The following FOXP2 variants were observed in gnomAD, a reference collection of about 807,000 sequenced individuals.
FOXP2 encodes the protein forkhead box protein P2.
In FOXP2, 12 loss-of-function variants were observed where a neutral mutation model predicts 115.8. The observed-to-expected ratio is 0.10, with a 90% CI of 0.07 to 0.17. FOXP2 has a LOEUF of 0.17. FOXP2 is among the 10% of genes least tolerant of loss of function. The probability of loss-of-function intolerance (pLI) is 1.00; values close to 1 mark genes in which losing one functional copy is unlikely to be tolerated. For missense variants in FOXP2, 629 were observed against 843.5 expected (o/e 0.75, Z 3.15); for synonymous variants, 328 against 297.7 (o/e 1.10, Z -1.05).
At chr7:114,214,951 A>C (rs1353152206) in intron 1 of FOXP2, among the ~76,000 whole-genome samples, 1 of 152,198 alleles carries the variant, frequency 6.6e-6, no homozygotes, top group Non-Finnish European at 1.5e-5. Context: ...GAATTTGTTT[A>C]AAATTACTGG....
At chr7:114,585,614 C>T (rs1802095567) in intron 3 of FOXP2, among the ~76,000 whole-genome samples, 1 of 150,862 alleles carries the variant, frequency 6.6e-6, no homozygotes, top group Admixed American at 6.6e-5. Context: ...GCCTGAATCC[C>T]AGCACTTTGG....
chr7:114,275,684 C>A (rs1796169312), intron 1 of FOXP2, among the ~76,000 whole-genome samples: 2 of 152,130 alleles, frequency 1.3e-5, no homozygotes, highest in Non-Finnish European at 2.9e-5. Context: ...AATATACCTG[C>A]CATGTCTGAT....
intron 1 of FOXP2, among the ~76,000 whole-genome samples, chr7:114,139,109 A>G (rs1183645333): frequency 6.6e-6 from 1 of 152,188 alleles, no homozygotes; most frequent in Admixed American, 6.5e-5. Flanking sequence ...AAAAATAGCT[A>G]ACACTATGCA....
chr7:114,263,568 C>T (rs1406980794), intron 1 of FOXP2, among the ~76,000 whole-genome samples: 3 of 151,686 alleles, frequency 2.0e-5, no homozygotes, highest in Non-Finnish European at 4.4e-5. Context: ...CTCCTTCCAC[C>T]TCAGCCTCCC....
chr7:114,211,405 C>T (rs1794345180), intron 1 of FOXP2, among the ~76,000 whole-genome samples: 1 of 152,152 alleles, frequency 6.6e-6, no homozygotes, highest in African/African-American at 2.4e-5. Context: ...GCTGGTTTCC[C>T]GGGTAGGATC....
At chr7:114,210,576 A>G (rs181694440) in intron 1 of FOXP2, among the ~76,000 whole-genome samples, 6 of 152,248 alleles carry the variant, frequency 3.9e-5, no homozygotes, top group Non-Finnish European at 8.8e-5. Context: ...ATACAACTGT[A>G]GGAGGTGGCT....
At chr7:114,375,402 G>T (rs778786670) in intron 2 of FOXP2, among the ~76,000 whole-genome samples, 3 of 152,162 alleles carry the variant, frequency 2.0e-5, no homozygotes, top group Non-Finnish European at 2.9e-5. Context: ...AGTTAATGCA[G>T]TAGCTAGAAT....
chr7:114,360,343 G>T (rs1193356394), intron 2 of FOXP2, among the ~76,000 whole-genome samples: 1 of 152,000 alleles, frequency 6.6e-6, no homozygotes, highest in Non-Finnish European at 1.5e-5. Flanking sequence ...GTAAGAAAAT[G>T]GACTACTACA....
rs542568768 is a variant in FOXP2 at position 114,470,461 on chromosome 7, G to A, written c.168+43782G>A. Among the ~76,000 whole-genome samples, 10 of 152,060 alleles carry A rather than the reference G, an allele frequency of 6.6e-5. No homozygotes were observed. In the South Asian group the frequency reaches 2.1e-3, roughly 32 times the overall value. ...CTATTTATGATTATATGTTATTTGT[G>A]TGGTTATTTTATTAACATTTGTCTT... On this transcript the variant is annotated intron_variant, in intron 2 of 16. Coordinates refer to ENST00000350908, the MANE Select transcript of FOXP2 (RefSeq NM_014491.4).
At chr7:114,407,847 A>C (rs1584700846) in intron 2 of FOXP2, among the ~76,000 whole-genome samples, 1 of 152,280 alleles carries the variant, frequency 6.6e-6, no homozygotes, top group South Asian at 2.1e-4. Flanking sequence ...AAAAGCCCCA[A>C]GAACCAGCAT....
chr7:114,688,205 G>GCA (rs1355698984), intron 16 of FOXP2, among the ~76,000 whole-genome samples: 2 of 34,224 alleles, frequency 5.8e-5, no homozygotes, highest in African/African-American at 9.9e-5. Context: ...ATGCATACAT[G>GCA]CATACACACA....
upstream of FOXP2, among the ~76,000 whole-genome samples, chr7:114,086,993 A>T (rs575932835): frequency 1.4e-3 from 216 of 152,190 alleles, no homozygotes; most frequent in South Asian, 2.7e-3. Context: ...GAAACACCAG[A>T]TGTGTGTTTG....
At chr7:114,117,403 G>T (rs998924074) in intron 1 of FOXP2, among the ~76,000 whole-genome samples, 2 of 151,700 alleles carry the variant, frequency 1.3e-5, no homozygotes, top group African/African-American at 2.4e-5. Flanking sequence ...TGTATTTTCA[G>T]TAGAGACAGG....
At chr7:114,114,412 C>T (rs1203557561) in intron 1 of FOXP2, among the ~76,000 whole-genome samples, 4 of 151,924 alleles carry the variant, frequency 2.6e-5, no homozygotes, top group African/African-American at 9.7e-5. Flanking sequence ...TGACCACGTT[C>T]CAGCAACAGA....
At chr7:114,434,469 T>C (rs1039458279) in intron 2 of FOXP2, among the ~76,000 whole-genome samples, 1 of 151,392 alleles carries the variant, frequency 6.6e-6, no homozygotes, top group Non-Finnish European at 1.5e-5. Context: ...AGCAATTTGG[T>C]TGATGTATTA....
At chr7:114,141,627 T>G (rs1195177811) in intron 1 of FOXP2, among the ~76,000 whole-genome samples, 1 of 152,164 alleles carries the variant, frequency 6.6e-6, no homozygotes, top group Non-Finnish European at 1.5e-5. Context: ...GAGCCTTTAG[T>G]CAATTGTCAC....
chr7:114,481,800 C>CTATCTATCTATCTATA (rs1554402627), intron 2 of FOXP2, among the ~76,000 whole-genome samples: 1 of 150,044 alleles, frequency 6.7e-6, no homozygotes, highest in African/African-American at 2.5e-5. Context: ...ATCTATCTAT[C>CTATCTATCTATCTATA]TATCTATCTA....
At chr7:114,086,382 G>C (rs1799410289), upstream of FOXP2, 2 of 368,370 alleles carry the variant, frequency 5.4e-6, no homozygotes, top group Admixed American at 7.2e-5. Context: ...CTTCGCCCTA[G>C]CTCTAGCCCC....
intron 3 of FOXP2, among the ~76,000 whole-genome samples, chr7:114,616,228 T>G (rs561939983): frequency 1.3e-5 from 2 of 152,054 alleles, no homozygotes; most frequent in South Asian, 2.1e-4. Context: ...AGTGGCGCAG[T>G]CTTGGCTCAC....
Sources: allele counts gnomAD v4.1 joint callset (sites outside exome capture counted in the v4.1 genomes callset), GRCh38; gene constraint gnomAD v4.1.1; transcripts MANE v1.5; gene names NCBI Gene and HGNC (gene_info 2026-07-23, HGNC 2026-07-21).